The following DNAH10 variants were observed in gnomAD, a reference collection of about 807,000 sequenced individuals.
DNAH10 encodes the protein dynein axonemal heavy chain 10.
In DNAH10, 348 loss-of-function variants were observed where a neutral mutation model predicts 506.6. The observed-to-expected ratio is 0.69, with a 90% CI of 0.63 to 0.75. DNAH10 has a LOEUF of 0.75. DNAH10 is among the 30% of genes least tolerant of loss of function. DNAH10 has a pLI of 0.00. For missense variants in DNAH10, 5,179 were observed against 5,787.1 expected, an observed-to-expected ratio of 0.89 and a Z score of 3.41; for synonymous variants, 2,059 against 2,198.6, an observed-to-expected ratio of 0.94 and a Z score of 1.78.
intron 30 of DNAH10, among the ~76,000 whole-genome samples, chr12:123,843,911 G>T (rs989617772): frequency 6.6e-6 from 1 of 152,216 alleles, no homozygotes; most frequent in African/African-American, 2.4e-5. Context: ...GCCATTAACT[G>T]TAGGTCATCA....
At position 123,926,558 on chromosome 12, in the gene DNAH10, C is replaced by G. The variant is rs1954951963; in HGVS notation, c.11922-79C>G. On this transcript the variant is annotated intron_variant, in intron 68 of 78. Coordinates refer to ENST00000673944, the MANE Select transcript of DNAH10 (RefSeq NM_001372106.1). The surrounding 1 kb of genome is among the most constrained non-coding windows in gnomAD (Gnocchi z 4.1). ...AGAAGGTTCTGGACACCGGAGGAGG[C>G]AGCGCTGATCAGACAGACCAGCCCC... 9.5e-6 allele frequency: 14 copies of G among 1,467,302 alleles called. No homozygotes were observed. The South Asian group carries it at 1.7e-4, about 18-fold the overall frequency. The allele number at this position is 1,467,302 out of a possible 1,614,324, so 90.9% of individuals were successfully genotyped here.
At chr12:123,781,025 C>A in intron 5 of DNAH10, 55 bp from the exon 6 acceptor site, 4 of 1,319,534 alleles carry the variant, frequency 3.0e-6, no homozygotes, top group South Asian at 1.5e-5. Flanking sequence ...AATTTGAATA[C>A]ATGAATTATT....
chr12:123,880,010 C>G (rs185363961), intron 50 of DNAH10, among the ~76,000 whole-genome samples: 2 of 152,196 alleles, frequency 1.3e-5, no homozygotes, highest in Admixed American at 1.3e-4. Flanking sequence ...GGGGCCACCC[C>G]GTGAGATTTG....
intron 53 of DNAH10, among the ~76,000 whole-genome samples, chr12:123,893,637 G>A (rs1197533409): frequency 6.6e-6 from 1 of 152,256 alleles, no homozygotes; most frequent in Non-Finnish European, 1.5e-5. Flanking sequence ...CCCTCTGACA[G>A]GAGGATGTAC....
Position 123,916,383 on chromosome 12 carries a change from G to A in DNAH10, c.10723-74G>A, listed in dbSNP as rs771803129. 38 of 1,533,982 alleles carry A rather than the reference G, an allele frequency of 2.5e-5. No homozygotes were observed. The highest frequency in any genetic ancestry group is 3.3e-5 in the Non-Finnish European group (38 of 1,144,524). On this transcript the variant is annotated intron_variant, in intron 62 of 78. Transcript: ENST00000673944. This position sits in a 1 kb window ranked among gnomAD's most constrained non-coding sequence, Gnocchi z 4.6. ...TGGCCCATCCACTTCCCACTTCCAA[G>A]CCATTCTCCCCTTATATTTGGCAGG...
intron 36 of DNAH10, among the ~76,000 whole-genome samples, chr12:123,854,769 T>C (rs1951323126): frequency 6.6e-6 from 1 of 152,232 alleles, no homozygotes; most frequent in African/African-American, 2.4e-5. Flanking sequence ...CTTGGACCTT[T>C]GTTCTTATTC....
At chr12:123,896,465 A>G (rs1232939904) in intron 54 of DNAH10, among the ~76,000 whole-genome samples, 1 of 152,186 alleles carries the variant, frequency 6.6e-6, no homozygotes, top group Non-Finnish European at 1.5e-5. Context: ...ACTGGAAGCC[A>G]TCATTCATTC....
intron 77 of DNAH10, chr12:123,934,275 T>C: frequency 2.9e-6 from 2 of 696,310 alleles, no homozygotes; most frequent in Non-Finnish European, 5.3e-6. Flanking sequence ...ATGGTGCCCA[T>C]TCTGACTCTG....
chr12:123,867,658 C>T (rs1951864322), intron 42 of DNAH10, 57 bp downstream of exon 42: 36 of 1,604,120 alleles, frequency 2.2e-5, no homozygotes, highest in African/African-American at 6.7e-5. Context: ...GACAAGCTCA[C>T]GGTAGGGTTT....
At chr12:123,864,016 T>G (rs1951704080) in intron 39 of DNAH10, among the ~76,000 whole-genome samples, 1 of 152,230 alleles carries the variant, frequency 6.6e-6, no homozygotes, top group African/African-American at 2.4e-5. Context: ...ATCAGCTGAT[T>G]GTTCCCACGA....
chr12:123,819,366 T>C, intron 23 of DNAH10, 116 bp downstream of exon 23: 2 of 768,072 alleles, frequency 2.6e-6, no homozygotes, highest in Admixed American at 2.9e-5. Context: ...TATTTATTTC[T>C]TCCTCAAATA....
rs117129364 is a variant in DNAH10 at position 123,870,758 on chromosome 12, C to T, written c.7639+273C>T. Among the ~76,000 whole-genome samples, 113 of 152,306 alleles carry T rather than the reference C, an allele frequency of 7.4e-4. 1 individual carries two copies. In the East Asian group the frequency reaches 0.013, roughly 17 times the overall value. ...CGATCCCCACAGGCAGATGAGATGC[C>T]GTTTCGCCTCCCCTGGCCTTTCCCT... On this transcript the variant is annotated intron_variant, in intron 44 of 78. Coordinates refer to ENST00000673944, the MANE Select transcript of DNAH10 (RefSeq NM_001372106.1).
At chr12:123,813,942 T>G in intron 21 of DNAH10, 30 bp downstream of exon 21, 2 of 1,552,778 alleles carry the variant, frequency 1.3e-6, no homozygotes, top group Non-Finnish European at 1.7e-6. Flanking sequence ...CTTATTCATT[T>G]AACAATTGGA....
intron 2 of DNAH10, among the ~76,000 whole-genome samples, chr12:123,769,923 T>TTTG (rs1491485890): frequency 8.5e-4 from 8 of 9,456 alleles, no homozygotes; most frequent in East Asian, 0.5. Flanking sequence ...CTGGCTAAGG[T>TTTG]TTTTTTTTTT....
chr12:123,928,676 T>C lies in DNAH10; in HGVS notation c.12306+89T>C. On this transcript the variant is annotated intron_variant, in intron 70 of 78. Coordinates refer to ENST00000673944, the MANE Select transcript of DNAH10 (RefSeq NM_001372106.1). This position sits in a 1 kb window ranked among gnomAD's most constrained non-coding sequence, Gnocchi z 4.9. ...TCTGGGGCCGGGGTGTGCCTTTGTCTGTGTAGAAATAAACCTTAGGCTGCA... is the reference window on the plus strand; with the variant it reads ...TCTGGGGCCGGGGTGTGCCTTTGTCCGTGTAGAAATAAACCTTAGGCTGCA... 7.1e-7 allele frequency: 1 copy of C among 1,407,084 alleles called. No homozygotes were observed. The highest frequency in any genetic ancestry group is 9.5e-7 in the Non-Finnish European group (1 of 1,048,592). 87.2% of individuals were successfully genotyped at this position (1,407,084 alleles called of 1,614,324 possible). A position where few individuals can be genotyped will look rare whatever the true frequency, so the allele number is the denominator to read the frequency against.
Position 123,771,072 on chromosome 12 carries a change from C to T in DNAH10, c.299-529C>T, listed in dbSNP as rs375880169. Among the ~76,000 whole-genome samples, 13 of 149,148 alleles carry T rather than the reference C, an allele frequency of 8.7e-5. 1 individual carries two copies. Among genetic ancestry groups the T allele is most frequent in the Admixed American group, 6.2e-4 (9 of 14,610 alleles). Reference sequence around the variant, plus strand: ...GCAACCTCTACCTCCTGGCCTCAAGCGATTCTCCTGCCTCAGCCTCCCGAG... The same window carrying T: ...GCAACCTCTACCTCCTGGCCTCAAGTGATTCTCCTGCCTCAGCCTCCCGAG... On this transcript the variant is annotated intron_variant, in intron 2 of 78. Transcript: ENST00000673944.
In DNAH10 at chr12:123,894,713, G is replaced by T. The variant is rs774234161; in HGVS notation, c.9270G>T (p.Lys3090Asn). Reference protein sequence around the residue: ...WPPQALHAVAKSFLGYNPMIP... With the variant: ...WPPQALHAVANSFLGYNPMIP... ...CCCAAGCCCTCCATGCGGTCGCAAA[G>T]TCCTTTCTAGGTAAGTCACAGCTGT... is the stretch of plus-strand genomic sequence containing the variant. The change falls in exon 54 of 79, where the codon AAG becomes AAT. Residue 3090 changes from lysine to asparagine, a missense_variant. Lys to Asn is a moderately conservative substitution (Grantham distance 94). This residue lies in a region of DNAH10 where 4,844 missense variants were observed against 5,430.5 expected (regional missense o/e 0.89). Coordinates refer to ENST00000673944, the MANE Select transcript of DNAH10 (RefSeq NM_001372106.1). The T allele has an allele frequency of 1.3e-5, 21 of 1,613,882 alleles. No individual in the cohort carries two copies. The Admixed American group carries it at 2.8e-4, about 22-fold the overall frequency.
At chr12:123,765,586 ATCT>A (rs2135948346) in intron 1 of DNAH10, among the ~76,000 whole-genome samples, 1 of 142,888 alleles carries the variant, frequency 7.0e-6, no homozygotes, top group East Asian at 2.0e-4. Flanking sequence ...CTATCTATCT[ATCT>A]ATCTATCTAT....
intron 6 of DNAH10, among the ~76,000 whole-genome samples, chr12:123,781,760 C>A (rs1160497413): frequency 6.6e-6 from 1 of 152,150 alleles, no homozygotes; most frequent in Non-Finnish European, 1.5e-5. Flanking sequence ...GCCACTGTGC[C>A]CAGCCTAGCA....
Sources: allele counts gnomAD v4.1 joint callset (sites outside exome capture counted in the v4.1 genomes callset), GRCh38; gene constraint gnomAD v4.1.1; regional missense constraint gnomAD v4.1.1; non-coding constraint Gnocchi (gnomAD v3.1); transcripts MANE v1.5; gene names NCBI Gene and HGNC (gene_info 2026-07-23, HGNC 2026-07-21).